The following GPC5 variants were observed in gnomAD, a reference collection of about 807,000 sequenced individuals.
GPC5 encodes glypican 5, also known as glypican-5.
A neutral mutation model predicts 53.9 loss-of-function variants in GPC5; 47 were observed. That is an observed-to-expected ratio of 0.87 (90% CI 0.69 to 1.11). The LOEUF is 1.11. Among genes scored for constraint, GPC5 ranks in the 50% most tolerant of loss-of-function variants. The pLI is 0.00. For synonymous variants in GPC5, 286 were observed against 263.3 expected (o/e 1.09, Z -0.84); for missense variants, 748 against 713.1 (o/e 1.05, Z -0.56).
chr13:91,429,378 A>G (rs1197230773), intron 1 of GPC5, among the ~76,000 whole-genome samples: 1 of 152,198 alleles, frequency 6.6e-6, no homozygotes, highest in Non-Finnish European at 1.5e-5. Context: ...CTATGTCCCC[A>G]AGAAGGTGAC....
At chr13:91,864,178 T>A (rs902458181) in intron 5 of GPC5, among the ~76,000 whole-genome samples, 10 of 152,152 alleles carry the variant, frequency 6.6e-5, no homozygotes, top group African/African-American at 2.4e-4. Flanking sequence ...TTTTGAAGAT[T>A]GAGGGAAAGG....
chr13:92,193,132 G>T (rs994491974), intron 7 of GPC5, among the ~76,000 whole-genome samples: 6 of 151,966 alleles, frequency 3.9e-5, no homozygotes, highest in Admixed American at 1.3e-4. Flanking sequence ...CCGAGATGGC[G>T]CCACTGCACT....
chr13:92,075,902 C>T (rs965771433), intron 6 of GPC5, among the ~76,000 whole-genome samples: 3 of 152,050 alleles, frequency 2.0e-5, no homozygotes, highest in African/African-American at 7.2e-5. Flanking sequence ...CTATCTGAAG[C>T]TAATTGATTA....
chr13:91,513,451 G>T (rs780334465), intron 2 of GPC5, among the ~76,000 whole-genome samples: 17 of 152,090 alleles, frequency 1.1e-4, no homozygotes, highest in Middle Eastern at 3.4e-3. Context: ...TTAAGATAGA[G>T]AACACTGGGC....
intron 7 of GPC5, among the ~76,000 whole-genome samples, chr13:92,374,310 C>A (rs747925051): frequency 1.3e-5 from 2 of 152,110 alleles, no homozygotes; most frequent in East Asian, 1.9e-4. Flanking sequence ...CCTGGTATTT[C>A]TATTCCATAG....
chr13:91,625,072 G>A (rs1303799687), intron 2 of GPC5, among the ~76,000 whole-genome samples: 2 of 151,818 alleles, frequency 1.3e-5, no homozygotes, highest in African/African-American at 4.8e-5. Flanking sequence ...ATTTTTCTTT[G>A]TGTATTCAAG....
At chr13:91,740,555 A>G (rs943555610) in intron 4 of GPC5, among the ~76,000 whole-genome samples, 4 of 152,072 alleles carry the variant, frequency 2.6e-5, no homozygotes, top group Non-Finnish European at 5.9e-5. Flanking sequence ...TCCTGATTCA[A>G]TTTCCCCAAT....
chr13:91,610,733 C>A (rs139548044), intron 2 of GPC5, among the ~76,000 whole-genome samples: 2 of 152,090 alleles, frequency 1.3e-5, no homozygotes, highest in Non-Finnish European at 2.9e-5. Flanking sequence ...ATAAGTGTGA[C>A]GAACGGTAAA....
intron 2 of GPC5, among the ~76,000 whole-genome samples, chr13:91,603,661 T>C (rs2139254112): frequency 6.6e-6 from 1 of 152,324 alleles, no homozygotes; most frequent in Non-Finnish European, 1.5e-5. Context: ...TGATATGAAG[T>C]TTTGAAGGGA....
rs576751278 is a variant in GPC5 at position 92,808,572 on chromosome 13, A to C, written c.1562-57710A>C. On this transcript the variant is annotated intron_variant, in intron 7 of 7. Transcript: ENST00000377067. ...CAAATATTTAGCAAGTATCTATAAC[A>C]CTCAAATTATGGCTGACTTAATACA... 5.3e-5 allele frequency among the ~76,000 whole-genome samples: 8 copies of C among 152,150 alleles called. No individual in the cohort carries two copies. In the East Asian group the frequency reaches 1.6e-3, roughly 29 times the overall value.
chr13:92,232,455 T>C (rs2042537851), intron 7 of GPC5, among the ~76,000 whole-genome samples: 1 of 152,206 alleles, frequency 6.6e-6, no homozygotes, highest in Non-Finnish European at 1.5e-5. Context: ...AAAGGAATGT[T>C]AAATGTTTTC....
chr13:92,337,619 G>C (rs1430847781), intron 7 of GPC5, among the ~76,000 whole-genome samples: 2 of 152,130 alleles, frequency 1.3e-5, no homozygotes, highest in Admixed American at 6.6e-5. Context: ...AAATGGATTA[G>C]TGGAACAGAA....
chr13:92,514,458 A>G (rs973655138), intron 7 of GPC5, among the ~76,000 whole-genome samples: 2 of 152,164 alleles, frequency 1.3e-5, no homozygotes, highest in African/African-American at 4.8e-5. Context: ...AACCACAGAA[A>G]GAACTACTAC....
intron 7 of GPC5, among the ~76,000 whole-genome samples, chr13:92,624,372 T>C (rs1884980501): frequency 6.6e-6 from 1 of 152,112 alleles, no homozygotes; most frequent in Non-Finnish European, 1.5e-5. Context: ...GCCCAGCCTG[T>C]TCAAATTTAA....
chr13:92,852,522 T>C (rs759371005), intron 7 of GPC5, among the ~76,000 whole-genome samples: 2 of 152,206 alleles, frequency 1.3e-5, no homozygotes, highest in Non-Finnish European at 2.9e-5. Context: ...TTTTGACCAA[T>C]GACCTAGTAA....
chr13:92,508,198 G>A (rs1025935083), intron 7 of GPC5, among the ~76,000 whole-genome samples: 6 of 152,100 alleles, frequency 3.9e-5, no homozygotes, highest in South Asian at 2.1e-4. Flanking sequence ...CCATGACTTC[G>A]TGATCTTCCC....
At chr13:92,380,864 T>G (rs2043733202) in intron 7 of GPC5, among the ~76,000 whole-genome samples, 1 of 151,154 alleles carries the variant, frequency 6.6e-6, no homozygotes, top group Non-Finnish European at 1.5e-5. Flanking sequence ...CATATGTAAC[T>G]AACCTGCACA....
At chr13:92,402,444 G>A (rs1875600014) in intron 7 of GPC5, among the ~76,000 whole-genome samples, 1 of 152,126 alleles carries the variant, frequency 6.6e-6, no homozygotes, top group Non-Finnish European at 1.5e-5. Flanking sequence ...AGCCACATTA[G>A]TATTTTATAA....
At chr13:91,715,770 G>GTCTCTCTCTC (rs55859912) in intron 3 of GPC5, among the ~76,000 whole-genome samples, 47 of 132,832 alleles carry the variant, frequency 3.5e-4, no homozygotes, top group African/African-American at 1.1e-3. Context: ...TTAAGATAGG[G>GTCTCTCTCTC]TCTCTCTCTC....
Sources: gnomAD v4.1 joint callset for allele counts (sites outside exome capture counted in the v4.1 genomes callset) on GRCh38, gnomAD v4.1.1 for gene constraint, MANE v1.5 for transcripts, NCBI Gene and HGNC (gene_info 2026-07-23, HGNC 2026-07-21) for gene names.